The following TOX variants were observed in gnomAD, a reference collection of about 807,000 sequenced individuals.
TOX encodes thymocyte selection-associated high mobility group box protein TOX.
A neutral mutation model predicts 53.7 loss-of-function variants in TOX; 11 were observed. That is an observed-to-expected ratio of 0.20 (90% CI 0.13 to 0.34). The LOEUF (loss-of-function observed/expected upper bound fraction) is 0.34, where lower values mean the gene tolerates loss of function less well. Among genes scored for constraint, TOX ranks in the 10% least tolerant of loss-of-function variants. TOX has a pLI of 1.00. For synonymous variants in TOX, 225 were observed against 245.3 expected, an observed-to-expected ratio of 0.92 and a Z score of 0.77; for missense variants, 570 against 664.6, an observed-to-expected ratio of 0.86 and a Z score of 1.56.
chr8:58,815,256 C>T, intron 7 of TOX, 82 bp downstream of exon 7: 1 of 1,498,936 alleles, frequency 6.7e-7, no homozygotes, highest in South Asian at 1.4e-5. Context: ...CAATCCTGTC[C>T]TGGATAAACA....
At chr8:59,024,420 A>G (rs1338295807) in intron 1 of TOX, among the ~76,000 whole-genome samples, 1 of 152,240 alleles carries the variant, frequency 6.6e-6, no homozygotes, top group Non-Finnish European at 1.5e-5. Context: ...TTTCCATAAA[A>G]GAAGATATTC....
intron 1 of TOX, among the ~76,000 whole-genome samples, chr8:58,967,458 G>A (rs1257071422): frequency 2.0e-5 from 3 of 152,098 alleles, no homozygotes; most frequent in Non-Finnish European, 4.4e-5. Flanking sequence ...TCTGACCTTT[G>A]CTTCCAGGAA....
chr8:58,998,825 T>C (rs887895913), intron 1 of TOX, among the ~76,000 whole-genome samples: 2 of 151,594 alleles, frequency 1.3e-5, no homozygotes, highest in African/African-American at 4.9e-5. Flanking sequence ...GTCCAAAGGG[T>C]GAACTTAATC....
intron 2 of TOX, among the ~76,000 whole-genome samples, chr8:58,955,732 CTT>C (rs35575258): frequency 5.1e-4 from 66 of 130,342 alleles, no homozygotes; most frequent in African/African-American, 1.1e-3. Flanking sequence ...GAAAAGGACA[CTT>C]TTTTTTTTTT....
chr8:59,089,210 T>A (rs10101210), intron 1 of TOX, among the ~76,000 whole-genome samples: 1 of 152,194 alleles, frequency 6.6e-6, no homozygotes, highest in Non-Finnish European at 1.5e-5. Flanking sequence ...TTTTAGGATG[T>A]AGCTTACGTG....
At position 58,831,132 on chromosome 8, in the gene TOX, T is replaced by C. The variant is rs111320409; in HGVS notation, c.925-4230A>G. Among the ~76,000 whole-genome samples the C allele has an allele frequency of 3.1e-3, 479 of 152,324 alleles. 4 individuals are homozygous for C. The highest frequency in any genetic ancestry group is 0.011 in the African/African-American group (456 of 41,572). ...ACAAACATCTTGCTATGGATTCCTT[T>C]TGAGGACTGTCTGACCCACGTAAAT... On this transcript the variant is annotated intron_variant, in intron 5 of 8. Coordinates refer to ENST00000361421, the MANE Select transcript of TOX (RefSeq NM_014729.3).
At chr8:58,898,863 C>T (rs186392012) in intron 3 of TOX, among the ~76,000 whole-genome samples, 1 of 152,290 alleles carries the variant, frequency 6.6e-6, no homozygotes, top group East Asian at 1.9e-4. Flanking sequence ...TATTTCTATT[C>T]TTATGTATTA....
At chr8:58,849,615 A>G (rs1024793383) in intron 4 of TOX, among the ~76,000 whole-genome samples, 1 of 152,286 alleles carries the variant, frequency 6.6e-6, no homozygotes, top group Non-Finnish European at 1.5e-5. Context: ...TTCTACTCAT[A>G]TAAGTGGAAG....
chr8:59,044,330 C>T (rs780908881), intron 1 of TOX, among the ~76,000 whole-genome samples: 1 of 151,418 alleles, frequency 6.6e-6, no homozygotes, highest in Non-Finnish European at 1.5e-5. Context: ...ATATAAGTAG[C>T]TTAAGCCAAT....
At chr8:58,849,546 A>AT (rs1347786352) in intron 4 of TOX, among the ~76,000 whole-genome samples, 1 of 152,208 alleles carries the variant, frequency 6.6e-6, no homozygotes, top group African/African-American at 2.4e-5. Context: ...TAACAGGTTA[A>AT]TAGCAAATGG....
chr8:59,099,994 TC>T (rs1004662641), intron 1 of TOX, among the ~76,000 whole-genome samples: 4 of 152,170 alleles, frequency 2.6e-5, no homozygotes, highest in African/African-American at 9.6e-5. Flanking sequence ...TATAAGGCAT[TC>T]CAGTTTCCAT....
intron 3 of TOX, among the ~76,000 whole-genome samples, chr8:58,864,213 T>A (rs1811059418): frequency 6.6e-6 from 1 of 152,132 alleles, no homozygotes; most frequent in African/African-American, 2.4e-5. Context: ...CAACATACAA[T>A]CAAATTATAC....
At chr8:58,958,955 A>C (rs1223185184) in intron 2 of TOX, among the ~76,000 whole-genome samples, 1 of 152,218 alleles carries the variant, frequency 6.6e-6, no homozygotes, top group East Asian at 1.9e-4. Context: ...GAAGAAAAAG[A>C]AGTTTTATGC....
chr8:59,118,766 G>A lies in TOX; in HGVS notation c.102+120C>T, dbSNP rs1805154732. 2 of 548,348 alleles carry A rather than the reference G, an allele frequency of 3.6e-6. No homozygotes were observed. Among genetic ancestry groups the A allele is most frequent in the Non-Finnish European group, 5.9e-6 (2 of 337,442 alleles). The allele number at this position is 548,348 out of a possible 1,614,324, so 34.0% of individuals were successfully genotyped here. On this transcript the variant is annotated intron_variant, in intron 1 of 8. Transcript: ENST00000361421. The surrounding 1 kb of genome is among the most constrained non-coding windows in gnomAD (Gnocchi z 4.1). ...GCGCACGCAGGCTGCAGCGGGCTGC[G>A]AGCCGAGCGCGCCCGGGACCGGCCT... is the stretch of plus-strand genomic sequence containing the variant.
At chr8:58,891,421 G>A (rs560537559) in intron 3 of TOX, among the ~76,000 whole-genome samples, 1 of 152,248 alleles carries the variant, frequency 6.6e-6, no homozygotes, top group South Asian at 2.1e-4. Flanking sequence ...ATGTCATCCT[G>A]TGTTGCTTTA....
intron 1 of TOX, among the ~76,000 whole-genome samples, chr8:59,031,745 G>T (rs1814360510): frequency 6.6e-6 from 1 of 152,216 alleles, no homozygotes; most frequent in Non-Finnish European, 1.5e-5. Context: ...GATTGTTCCA[G>T]ACTGAGCGAG....
chr8:58,818,914 T>C (rs1810225569), intron 6 of TOX, among the ~76,000 whole-genome samples: 1 of 152,202 alleles, frequency 6.6e-6, no homozygotes. Context: ...GTCTCACCCA[T>C]ACTTTGGGAA....
At chr8:58,890,322 G>A (rs975558191) in intron 3 of TOX, among the ~76,000 whole-genome samples, 2 of 152,134 alleles carry the variant, frequency 1.3e-5, no homozygotes, top group East Asian at 1.9e-4. Flanking sequence ...CGTTACAAGA[G>A]CACACTGGCA....
intron 4 of TOX, among the ~76,000 whole-genome samples, chr8:58,838,826 C>A (rs561171327): frequency 2.6e-5 from 4 of 151,424 alleles, no homozygotes; most frequent in African/African-American, 9.7e-5. Context: ...CTCAGCCTCC[C>A]CGACAGCTGG....
Sources: allele counts gnomAD v4.1 joint callset (sites outside exome capture counted in the v4.1 genomes callset), GRCh38; gene constraint gnomAD v4.1.1; non-coding constraint Gnocchi (gnomAD v3.1); transcripts MANE v1.5; gene names NCBI Gene and HGNC (gene_info 2026-07-23, HGNC 2026-07-21).